The following SPOCK3 variants were observed in gnomAD, a reference collection of about 807,000 sequenced individuals.
SPOCK3 encodes the protein SPARC (osteonectin), cwcv and kazal like domains proteoglycan 3, also known as testican-3.
Under a neutral mutation model 56.6 loss-of-function variants are expected in SPOCK3, and 30 were observed. The ratio of observed to expected loss-of-function variants is 0.53; its 90% CI spans 0.40 to 0.72. The LOEUF (loss-of-function observed/expected upper bound fraction) is 0.72, where lower values mean the gene tolerates loss of function less well. SPOCK3 is among the 30% of genes least tolerant of loss of function. The pLI is 0.00. For missense variants in SPOCK3, 527 were observed against 530.0 expected, an observed-to-expected ratio of 0.99 and a Z score of 0.06; for synonymous variants, 196 against 183.3, an observed-to-expected ratio of 1.07 and a Z score of -0.56.
chr4:166,841,032 C>G (rs941090174), intron 6 of SPOCK3, among the ~76,000 whole-genome samples: 6 of 152,116 alleles, frequency 3.9e-5, no homozygotes, highest in African/African-American at 1.4e-4. Context: ...CCAGCCTCAG[C>G]CTCCCAAAGA....
chr4:166,862,515 A>G (rs1731341717), intron 6 of SPOCK3, among the ~76,000 whole-genome samples: 1 of 152,094 alleles, frequency 6.6e-6, no homozygotes, highest in African/African-American at 2.4e-5. Flanking sequence ...ATCTTACATT[A>G]CAAAATAATC....
intron 2 of SPOCK3, among the ~76,000 whole-genome samples, chr4:167,173,521 ATT>A (rs1730688149): frequency 1.3e-5 from 2 of 152,206 alleles, no homozygotes; most frequent in South Asian, 4.1e-4. Context: ...CTGCTAGTAA[ATT>A]TCTTCATATG....
intron 2 of SPOCK3, among the ~76,000 whole-genome samples, chr4:167,093,639 C>G (rs546804390): frequency 6.6e-6 from 1 of 152,182 alleles, no homozygotes; most frequent in Non-Finnish European, 1.5e-5. Context: ...TTTCTAATGG[C>G]TGCATAGTAT....
At chr4:166,833,879 G>A (rs1746343781) in intron 6 of SPOCK3, among the ~76,000 whole-genome samples, 1 of 152,110 alleles carries the variant, frequency 6.6e-6, no homozygotes, top group Non-Finnish European at 1.5e-5. Context: ...CCCTCTTGGA[G>A]GAAAAGTGGT....
intron 6 of SPOCK3, among the ~76,000 whole-genome samples, chr4:166,821,880 C>A (rs1202977421): frequency 6.6e-6 from 1 of 151,842 alleles, no homozygotes; most frequent in Non-Finnish European, 1.5e-5. Flanking sequence ...AACGAGTGAA[C>A]TTTATGGTAT....
chr4:166,968,531 C>T (rs1745002577), intron 4 of SPOCK3, among the ~76,000 whole-genome samples: 1 of 152,214 alleles, frequency 6.6e-6, no homozygotes, highest in Non-Finnish European at 1.5e-5. Context: ...GCAGCTCAGG[C>T]TGTTGCTTCA....
chr4:166,878,779 T>C (rs1033097413), intron 6 of SPOCK3, among the ~76,000 whole-genome samples: 8 of 152,186 alleles, frequency 5.3e-5, no homozygotes, highest in African/African-American at 7.2e-5. Context: ...CAATCATCGC[T>C]TCAAAACCTT....
At chr4:167,017,890 C>T (rs1371334243) in intron 3 of SPOCK3, among the ~76,000 whole-genome samples, 1 of 151,852 alleles carries the variant, frequency 6.6e-6, no homozygotes, top group Admixed American at 6.6e-5. Flanking sequence ...TGATTAAAAA[C>T]ACCCAATATT....
intron 4 of SPOCK3, among the ~76,000 whole-genome samples, chr4:166,954,636 G>A (rs1428926554): frequency 6.6e-6 from 1 of 152,028 alleles, no homozygotes; most frequent in Non-Finnish European, 1.5e-5. Flanking sequence ...TTATTTCTGG[G>A]CTCTCTATTC....
chr4:166,975,511 A>G (rs2150081896), intron 4 of SPOCK3, among the ~76,000 whole-genome samples: 1 of 152,268 alleles, frequency 6.6e-6, no homozygotes, highest in Non-Finnish European at 1.5e-5. Context: ...GTTACATTCC[A>G]GCTATAATTT....
chr4:166,865,201 T>C (rs556338442), intron 6 of SPOCK3, among the ~76,000 whole-genome samples: 35 of 152,280 alleles, frequency 2.3e-4, no homozygotes, highest in African/African-American at 7.9e-4. Flanking sequence ...TCTCAATAGA[T>C]GCAGAAAAGG....
intron 2 of SPOCK3, among the ~76,000 whole-genome samples, chr4:167,095,993 G>A (rs1423032831): frequency 6.6e-6 from 1 of 150,958 alleles, no homozygotes; most frequent in Admixed American, 6.6e-5. Flanking sequence ...TGATTCTAAA[G>A]AAAAAAAACC....
At chr4:166,907,058 C>T (rs1736705135) in intron 5 of SPOCK3, among the ~76,000 whole-genome samples, 1 of 151,988 alleles carries the variant, frequency 6.6e-6, no homozygotes. Flanking sequence ...TATACACACA[C>T]ATTATACATA....
intron 2 of SPOCK3, among the ~76,000 whole-genome samples, chr4:167,129,263 G>A (rs1015302301): frequency 1.3e-5 from 2 of 152,206 alleles, no homozygotes; most frequent in Non-Finnish European, 1.5e-5. Context: ...CCCATTACAT[G>A]AATCAGATGG....
intron 6 of SPOCK3, among the ~76,000 whole-genome samples, chr4:166,796,107 G>C (rs532352160): frequency 1.9e-3 from 295 of 152,266 alleles, no homozygotes; most frequent in Non-Finnish European, 3.3e-3. Context: ...TACCGAATTT[G>C]CTGGTGCTGC....
intron 5 of SPOCK3, among the ~76,000 whole-genome samples, chr4:166,909,261 T>A (rs1467329346): frequency 6.6e-6 from 1 of 152,034 alleles, no homozygotes. Context: ...AAATAATTAT[T>A]CAAAATTGGT....
At chr4:166,831,528 T>C (rs1460144145) in intron 6 of SPOCK3, among the ~76,000 whole-genome samples, 5 of 152,076 alleles carry the variant, frequency 3.3e-5, no homozygotes, top group African/African-American at 7.2e-5. Context: ...GCATTAGTTA[T>C]CTATGCTTTT....
Position 166,927,210 on chromosome 4 carries a change from C to G in SPOCK3, c.351-14467G>C, listed in dbSNP as rs185269874. 1.0e-3 allele frequency among the ~76,000 whole-genome samples: 155 copies of G among 152,256 alleles called. 1 individual carries two copies. The highest frequency in any genetic ancestry group is 6.0e-4 in the Non-Finnish European group (41 of 68,024). ...CCATTCATATGGTTTCACTCTGTATCCCCACCCAAATCTCCTCTTGAATTT... is the reference window on the plus strand; with the variant it reads ...CCATTCATATGGTTTCACTCTGTATGCCCACCCAAATCTCCTCTTGAATTT... On this transcript the variant is annotated intron_variant, in intron 4 of 10. Transcript: ENST00000357545.
At chr4:167,082,132 T>A (rs894526406) in intron 2 of SPOCK3, among the ~76,000 whole-genome samples, 1 of 152,158 alleles carries the variant, frequency 6.6e-6, no homozygotes, top group Non-Finnish European at 1.5e-5. Flanking sequence ...GAAGCACATG[T>A]GTGCAACTTA....
Sources: gnomAD v4.1 joint callset for allele counts (sites outside exome capture counted in the v4.1 genomes callset) on GRCh38, gnomAD v4.1.1 for gene constraint, MANE v1.5 for transcripts, NCBI Gene and HGNC (gene_info 2026-07-23, HGNC 2026-07-21) for gene names.